The following SFXN5 variants were observed in gnomAD, a reference collection of about 807,000 sequenced individuals.
SFXN5 encodes the protein sideroflexin-5.
In SFXN5, 43 loss-of-function variants were observed where a neutral mutation model predicts 50.2. That is an observed-to-expected ratio of 0.86 (90% confidence interval 0.67 to 1.11). The LOEUF (loss-of-function observed/expected upper bound fraction) is 1.11, where lower values mean the gene tolerates loss of function less well. Ranked by LOEUF, SFXN5 falls within the 50% of genes least tolerant of loss-of-function variation. The pLI, the probability that SFXN5 is intolerant of heterozygous loss-of-function variation, is 0.00. For synonymous variants in SFXN5, 203 were observed against 185.8 expected, an observed-to-expected ratio of 1.09 and a Z score of -0.75; for missense variants, 463 against 454.1, an observed-to-expected ratio of 1.02 and a Z score of -0.18.
At chr2:72,994,100 CAG>C (rs770015480) in intron 9 of SFXN5, among the ~76,000 whole-genome samples, 36 of 152,250 alleles carry the variant, frequency 2.4e-4, no homozygotes, top group Non-Finnish European at 4.7e-4. Flanking sequence ...CCTTATGCCA[CAG>C]GGGGTGCAGC....
At chr2:73,067,986 T>C (rs1683296644) in intron 1 of SFXN5, among the ~76,000 whole-genome samples, 1 of 152,226 alleles carries the variant, frequency 6.6e-6, no homozygotes, top group East Asian at 1.9e-4. Context: ...AAGGCTGGAA[T>C]GATGCTTGGC....
chr2:73,030,598 T>C (rs1297117024), intron 3 of SFXN5, among the ~76,000 whole-genome samples: 2 of 152,138 alleles, frequency 1.3e-5, no homozygotes, highest in East Asian at 1.9e-4. Context: ...TCCAAAACAC[T>C]GCCAGCTTCC....
At chr2:73,007,426 T>A (rs1035550392) in intron 6 of SFXN5, among the ~76,000 whole-genome samples, 1 of 151,902 alleles carries the variant, frequency 6.6e-6, no homozygotes, top group East Asian at 1.9e-4. Context: ...TCCCTCCTCA[T>A]CCTTCAGGTT....
At chr2:73,000,569 T>C (rs1159977458) in intron 7 of SFXN5, 82 bp from the exon 8 acceptor site, 1 of 1,360,174 alleles carries the variant, frequency 7.4e-7, no homozygotes. Context: ...AGGCCACACA[T>C]CCCCAGAAAG....
chr2:73,005,906 G>A (rs1674570727), intron 6 of SFXN5, among the ~76,000 whole-genome samples: 1 of 149,586 alleles, frequency 6.7e-6, no homozygotes, highest in African/African-American at 2.5e-5. Context: ...CTTTTATTAA[G>A]TCCTAATTGC....
At chr2:72,958,534 G>A (rs1164981345) in intron 13 of SFXN5, among the ~76,000 whole-genome samples, 2 of 152,186 alleles carry the variant, frequency 1.3e-5, no homozygotes, top group Non-Finnish European at 2.9e-5. Flanking sequence ...TCTCTGTGCA[G>A]GCAGGTGGAG....
At chr2:73,044,371 G>C (rs1680033177) in intron 2 of SFXN5, 1 of 152,316 alleles carries the variant, frequency 6.6e-6, no homozygotes, top group South Asian at 2.1e-4. Context: ...CTCTGTCAAA[G>C]GCCGAGGGGC....
Position 72,984,387 on chromosome 2 carries a change from A to G in SFXN5, c.625+3871T>C, listed in dbSNP as rs62147718. ...ACACACTCTGAAAAACTAGGGGGGA[A>G]CTTGGAGGCAGAACAGGGAGGACAC... is the stretch of plus-strand genomic sequence containing the variant. On this transcript the variant is annotated intron_variant, in intron 10 of 13. Transcript: ENST00000272433. 9.2e-5 allele frequency among the ~76,000 whole-genome samples: 14 copies of G among 152,280 alleles called. No individual in the cohort carries two copies. The South Asian group carries it at 2.1e-3, about 23-fold the overall frequency.
intron 6 of SFXN5, among the ~76,000 whole-genome samples, chr2:73,009,374 G>A (rs1383226941): frequency 6.6e-6 from 1 of 152,226 alleles, no homozygotes; most frequent in Non-Finnish European, 1.5e-5. Flanking sequence ...GCCCAGGGGT[G>A]GGGAGGAGTG....
At position 72,944,735 on chromosome 2, in the gene SFXN5, T is replaced by C; in HGVS notation, c.*287A>G. On this transcript the variant is annotated 3_prime_UTR_variant, in exon 14 of 14. Coordinates refer to ENST00000272433, the MANE Select transcript of SFXN5 (RefSeq NM_144579.3). ...CTTCTACCCCATGGGCACTCTACAA[T>C]TTTTCAGCTTCACACATAATTGTGC... 2.6e-6 allele frequency: 1 copy of C among 380,058 alleles called. No homozygotes were observed. The highest frequency in any genetic ancestry group is 4.4e-5 in the East Asian group (1 of 22,672). 23.5% of individuals were successfully genotyped at this position (380,058 alleles called of 1,614,324 possible).
At chr2:73,034,138 T>C (rs1483248399) in intron 3 of SFXN5, among the ~76,000 whole-genome samples, 1 of 152,170 alleles carries the variant, frequency 6.6e-6, no homozygotes, top group Non-Finnish European at 1.5e-5. Context: ...AGCCCACAAA[T>C]GCATCTACAG....
rs1670261750 is a variant in SFXN5, at chr2:72,973,423, G to C, written c.626-1738C>G. ...GATCTAGGGGTCAGGGGTTGCTGCAGGCATCTGGTGGATAGAGGCCAGAGG... is the reference window on the plus strand; with the variant it reads ...GATCTAGGGGTCAGGGGTTGCTGCACGCATCTGGTGGATAGAGGCCAGAGG... On this transcript the variant is annotated intron_variant, in intron 10 of 13. Transcript: ENST00000272433. The surrounding 1 kb of genome is among the most constrained non-coding windows in gnomAD (Gnocchi z 5.5). The C allele has an allele frequency of 5.9e-6, 1 of 169,202 alleles. No individual in the cohort carries two copies. Among genetic ancestry groups the C allele is most frequent in the South Asian group, 2.0e-4 (1 of 4,920 alleles). 10.5% of individuals were successfully genotyped at this position (169,202 alleles called of 1,614,324 possible).
At chr2:73,053,389 T>A (rs1203873617) in intron 2 of SFXN5, 2 of 154,300 alleles carry the variant, frequency 1.3e-5, no homozygotes, top group African/African-American at 2.4e-5. Context: ...TCAGCTCATC[T>A]CAGTATCATG....
rs1003419140 is a variant in SFXN5, at chr2:72,996,062, C to A, written c.534+2887G>T. ...TCTCCATGGGGGAGAAGCCATGGTG[C>A]CCGTCCCTGGTTAACTTGTAATCCA... is the stretch of plus-strand genomic sequence containing the variant. On this transcript the variant is annotated intron_variant, in intron 9 of 13. Coordinates refer to ENST00000272433, the MANE Select transcript of SFXN5 (RefSeq NM_144579.3). Among the ~76,000 whole-genome samples the A allele has an allele frequency of 1.3e-5, 2 of 152,172 alleles. 1 individual carries two copies. The highest frequency in any genetic ancestry group is 4.1e-4 in the South Asian group (2 of 4,828).
chr2:72,942,501 CCTGA>C lies in SFXN5; in HGVS notation c.*2517_*2520del, dbSNP rs1671535439. 6.6e-6 allele frequency: 1 copy of C among 152,530 alleles called. No individual in the cohort carries two copies. Among genetic ancestry groups the C allele is most frequent in the South Asian group, 2.1e-4 (1 of 4,832 alleles). The allele number at this position is 152,530 out of a possible 1,614,324, so 9.4% of individuals were successfully genotyped here. A position where few individuals can be genotyped will look rare whatever the true frequency, so the allele number is the denominator to read the frequency against. On this transcript the variant is annotated 3_prime_UTR_variant, in exon 14 of 14. Transcript: ENST00000272433. Reference sequence around the variant, plus strand: ...TTCTCGCACAGCTGGCCAGCCCCGCCCTGACTGTGTCCAGGCTTAGCCTCCACCC... The same window carrying C: ...TTCTCGCACAGCTGGCCAGCCCCGCCCTGTGTCCAGGCTTAGCCTCCACCC...
intron 6 of SFXN5, among the ~76,000 whole-genome samples, chr2:73,003,677 C>T (rs1023400346): frequency 6.6e-6 from 1 of 152,178 alleles, no homozygotes; most frequent in African/African-American, 2.4e-5. Flanking sequence ...TTTTATCTTC[C>T]CTTCCCTAAC....
At position 72,945,591 on chromosome 2, in the gene SFXN5, C is replaced by T. The variant is rs1015461283; in HGVS notation, c.946-492G>A. On this transcript the variant is annotated intron_variant, in intron 13 of 13. Coordinates refer to ENST00000272433, the MANE Select transcript of SFXN5 (RefSeq NM_144579.3). The surrounding 1 kb of genome is among the most constrained non-coding windows in gnomAD (Gnocchi z 5.8). ...CTGTTTCCAGTCCCCTAGACCTAAG[C>T]GCCCACACTCCACACTCCGACCACT... 2.6e-5 allele frequency among the ~76,000 whole-genome samples: 4 copies of T among 152,076 alleles called. No homozygotes were observed. Among genetic ancestry groups the T allele is most frequent in the Non-Finnish European group, 4.4e-5 (3 of 68,010 alleles).
At chr2:72,952,597 C>T (rs1006853918) in intron 13 of SFXN5, among the ~76,000 whole-genome samples, 2 of 152,214 alleles carry the variant, frequency 1.3e-5, no homozygotes, top group Admixed American at 6.5e-5. Context: ...AGACCACACC[C>T]CGCCCCCTAC....
chr2:73,068,140 G>C (rs1204145827), intron 1 of SFXN5, among the ~76,000 whole-genome samples: 2 of 152,196 alleles, frequency 1.3e-5, no homozygotes, highest in Non-Finnish European at 2.9e-5. Context: ...ATAAAGAGGA[G>C]TTCTAGAGCG....
Sources: gnomAD v4.1 joint callset for allele counts (sites outside exome capture counted in the v4.1 genomes callset) on GRCh38, gnomAD v4.1.1 for gene constraint, Gnocchi (gnomAD v3.1) non-coding constraint, MANE v1.5 for transcripts, NCBI Gene and HGNC (gene_info 2026-07-23, HGNC 2026-07-21) for gene names.